The following SPATA13 variants were observed in gnomAD, a reference collection of about 807,000 sequenced individuals.
SPATA13 encodes spermatogenesis associated 13, also known as spermatogenesis-associated protein 13.
A neutral mutation model predicts 104.0 loss-of-function variants in SPATA13; 50 were observed. The observed-to-expected ratio is 0.48, with a 90% CI of 0.38 to 0.61. The LOEUF (loss-of-function observed/expected upper bound fraction) is 0.61, where lower values mean the gene tolerates loss of function less well. Ranked by LOEUF, SPATA13 falls within the 20% of genes least tolerant of loss-of-function variation. The probability of loss-of-function intolerance (pLI) is 0.00; values close to 1 mark genes in which losing one functional copy is unlikely to be tolerated. For missense variants in SPATA13, 1,524 were observed against 1,690.6 expected (o/e 0.90, Z 1.73); for synonymous variants, 606 against 667.5 (o/e 0.91, Z 1.42).
At chr13:24,158,635 C>T (rs565395883), upstream of SPATA13, among the ~76,000 whole-genome samples, 10 of 152,234 alleles carry the variant, frequency 6.6e-5, no homozygotes, top group Non-Finnish European at 1.3e-4. Context: ...CCCAGGCGCT[C>T]AAAAGGTTTT....
chr13:24,199,699 C>T (rs1052544710), intron 1 of SPATA13, among the ~76,000 whole-genome samples: 24 of 152,156 alleles, frequency 1.6e-4, no homozygotes, highest in Admixed American at 1.4e-3. Context: ...CTGTTGTTTG[C>T]CTAGACCTGC....
intron 3 of SPATA13, among the ~76,000 whole-genome samples, chr13:24,136,525 AAGAG>A (rs1881575922): frequency 6.6e-6 from 1 of 152,004 alleles, no homozygotes; most frequent in Admixed American, 6.6e-5. Context: ...GAGAGAGAAA[AAGAG>A]AGGGAGGGAG....
rs1411216915 is a variant in SPATA13 at position 24,249,547 on chromosome 13, C to T, written c.1724C>T (p.Pro575Leu). Residue 575 changes from proline to leucine, a missense_variant, in exon 3 of 13, where the codon CCC becomes CTC. Around this residue, in one of 2 missense-constraint regions of SPATA13, gnomAD observed 1,089 missense variants for 1,135.9 expected, o/e 0.96. Transcript: ENST00000382108. ...GAAAGGACAGAGGCACAGAGAACCCCCAAGAGGAGATGGGGCTCTGGGAGA... is the reference window on the plus strand; with the variant it reads ...GAAAGGACAGAGGCACAGAGAACCCTCAAGAGGAGATGGGGCTCTGGGAGA... ...DEERTEAQRTPKRRWGSGRRP... is the reference protein window; with the variant it reads ...DEERTEAQRTLKRRWGSGRRP... 1 of 1,613,176 alleles carries T rather than the reference C, an allele frequency of 6.2e-7. No individual in the cohort carries two copies. The highest frequency in any genetic ancestry group is 8.5e-7 in the Non-Finnish European group (1 of 1,179,510).
chr13:24,232,190 G>T (rs962214827), intron 2 of SPATA13, among the ~76,000 whole-genome samples: 1 of 152,240 alleles, frequency 6.6e-6, no homozygotes, highest in African/African-American at 2.4e-5. Context: ...AGGTGATGGG[G>T]TGGAGTGCTG....
chr13:24,158,391 G>T (rs543912223), upstream of SPATA13, among the ~76,000 whole-genome samples: 1 of 152,284 alleles, frequency 6.6e-6, no homozygotes, highest in African/African-American at 2.4e-5. Context: ...TGTGATTCCC[G>T]CAGGAATGGT....
chr13:24,031,077 A>G lies in SPATA13; in HGVS notation c.-112+13376A>G, dbSNP rs145839360. ...ATTTCTCAATATCTTCTCCCATTCA[A>G]AGTAGCAAATGGTTTTAAAGCTTAT... On this transcript the variant is annotated intron_variant, in intron 3 of 14. Transcript: ENST00000424834. Among the ~76,000 whole-genome samples the G allele has an allele frequency of 3.5e-3, 534 of 152,252 alleles. 2 individuals are homozygous for G. Among genetic ancestry groups the G allele is most frequent in the African/African-American group, 0.012 (498 of 41,546 alleles).
chr13:24,090,613 C>T (rs569304748), intron 3 of SPATA13, among the ~76,000 whole-genome samples: 1 of 152,282 alleles, frequency 6.6e-6, no homozygotes, highest in Non-Finnish European at 1.5e-5. Flanking sequence ...TGTCCCTACC[C>T]CACTTAGAGT....
chr13:24,287,824 T>C (rs777231292), intron 7 of SPATA13, among the ~76,000 whole-genome samples: 2 of 152,250 alleles, frequency 1.3e-5, no homozygotes, highest in Non-Finnish European at 2.9e-5. Flanking sequence ...TTTGTGCTTC[T>C]ATGGATTGTG....
chr13:24,292,045 C>T (rs1029641778), intron 9 of SPATA13, among the ~76,000 whole-genome samples: 6 of 152,142 alleles, frequency 3.9e-5, no homozygotes, highest in East Asian at 1.9e-4. Context: ...CGTGAGCCAC[C>T]GCGCCCGGCC....
chr13:23,984,308 C>T (rs1875047948), intron 2 of SPATA13, among the ~76,000 whole-genome samples: 1 of 152,230 alleles, frequency 6.6e-6, no homozygotes, highest in African/African-American at 2.4e-5. Flanking sequence ...TCATCAGAGT[C>T]TCAAAGTACT....
intron 3 of SPATA13, among the ~76,000 whole-genome samples, chr13:24,101,820 T>G (rs1484103231): frequency 1.3e-5 from 2 of 152,240 alleles, no homozygotes; most frequent in African/African-American, 4.8e-5. Flanking sequence ...TTGTCTTCTT[T>G]CTTAGGGCAG....
chr13:24,247,675 G>C (rs1873223858), intron 2 of SPATA13, among the ~76,000 whole-genome samples: 1 of 151,798 alleles, frequency 6.6e-6, no homozygotes, highest in African/African-American at 2.4e-5. Flanking sequence ...GTAGAGACAG[G>C]GTTTCACCAT....
At chr13:24,027,957 C>G (rs1406965649) in intron 3 of SPATA13, among the ~76,000 whole-genome samples, 1 of 152,180 alleles carries the variant, frequency 6.6e-6, no homozygotes, top group Non-Finnish European at 1.5e-5. Flanking sequence ...ACCAGAAAAA[C>G]TGTGATGAAA....
At chr13:24,278,675 T>C in intron 4 of SPATA13, 1 of 1,522,788 alleles carries the variant, frequency 6.6e-7, no homozygotes, top group Admixed American at 2.4e-5. Flanking sequence ...AAGTACTTGT[T>C]CAGAATGTAT....
intron 4 of SPATA13, among the ~76,000 whole-genome samples, chr13:24,257,164 G>A (rs1873829339): frequency 6.6e-6 from 1 of 152,030 alleles, no homozygotes. Flanking sequence ...ATTTCCCTTT[G>A]TCTCTATTAT....
chr13:24,063,569 C>G (rs1878849142), intron 3 of SPATA13, among the ~76,000 whole-genome samples: 1 of 152,078 alleles, frequency 6.6e-6, no homozygotes, highest in African/African-American at 2.4e-5. Flanking sequence ...CACATCATCA[C>G]TAAATGTTCC....
At chr13:24,240,385 G>A (rs1349518996) in intron 2 of SPATA13, among the ~76,000 whole-genome samples, 3 of 152,056 alleles carry the variant, frequency 2.0e-5, no homozygotes, top group South Asian at 2.1e-4. Context: ...CCTAGAAAAC[G>A]GAACCCCCTT....
chr13:24,246,695 T>TA (rs35427133), intron 2 of SPATA13, among the ~76,000 whole-genome samples: 6 of 152,064 alleles, frequency 3.9e-5, no homozygotes, highest in Non-Finnish European at 5.9e-5. Flanking sequence ...GTGTCTCTGC[T>TA]AAAAAATGTA....
intron 3 of SPATA13, among the ~76,000 whole-genome samples, chr13:24,057,946 C>T (rs1002111222): frequency 6.6e-6 from 1 of 151,734 alleles, no homozygotes; most frequent in African/African-American, 2.4e-5. Context: ...TATATCTTCA[C>T]TCCAAGGATG....
Sources: allele counts gnomAD v4.1 joint callset (sites outside exome capture counted in the v4.1 genomes callset), GRCh38; gene constraint gnomAD v4.1.1; regional missense constraint gnomAD v4.1.1; transcripts MANE v1.5; gene names NCBI Gene and HGNC (gene_info 2026-07-23, HGNC 2026-07-21).